GRID1: variants seen among roughly 807,000 people sequenced by gnomAD.
The protein encoded by GRID1 is glutamate receptor ionotropic, delta-1.
In GRID1, 28 loss-of-function variants were observed where a neutral mutation model predicts 98.0. The ratio of observed to expected loss-of-function variants is 0.29; its 90% CI spans 0.21 to 0.39. The LOEUF is 0.39. Ranked by LOEUF, GRID1 falls within the 10% of genes least tolerant of loss-of-function variation. The probability of loss-of-function intolerance (pLI) is 1.00; values close to 1 mark genes in which losing one functional copy is unlikely to be tolerated. For synonymous variants in GRID1, 553 were observed against 538.5 expected (o/e 1.03, Z -0.37); for missense variants, 1,111 against 1,340.5 (o/e 0.83, Z 2.67).
At chr10:86,004,141 G>A (rs1179869200) in intron 4 of GRID1, among the ~76,000 whole-genome samples, 1 of 152,228 alleles carries the variant, frequency 6.6e-6, no homozygotes, top group African/African-American at 2.4e-5. Flanking sequence ...ACTTGCCTAA[G>A]TTCCGTACTA....
chr10:85,953,462 T>C (rs746960796), intron 4 of GRID1, among the ~76,000 whole-genome samples: 3 of 152,184 alleles, frequency 2.0e-5, no homozygotes, highest in Non-Finnish European at 2.9e-5. Context: ...ACAAAAGTTA[T>C]ATGTAAATTT....
intron 9 of GRID1, among the ~76,000 whole-genome samples, chr10:85,729,240 C>A (rs1424269724): frequency 6.6e-6 from 1 of 152,142 alleles, no homozygotes; most frequent in Non-Finnish European, 1.5e-5. Context: ...CAGCTTGGCC[C>A]CCTCTGGTCC....
chr10:85,788,624 G>A (rs569346510), intron 8 of GRID1, among the ~76,000 whole-genome samples: 1 of 152,162 alleles, frequency 6.6e-6, no homozygotes, highest in African/African-American at 2.4e-5. Flanking sequence ...GTAGAGGTCT[G>A]GGAAGTCTCG....
chr10:85,667,194 G>A (rs1297337505), intron 12 of GRID1, among the ~76,000 whole-genome samples: 3 of 152,052 alleles, frequency 2.0e-5, no homozygotes, highest in Non-Finnish European at 4.4e-5. Context: ...TAGCACATGG[G>A]AAGCCCGTCT....
chr10:86,136,601 C>G (rs1844928114), intron 4 of GRID1, among the ~76,000 whole-genome samples: 1 of 152,212 alleles, frequency 6.6e-6, no homozygotes, highest in South Asian at 2.1e-4. Context: ...CACAAAGGGC[C>G]AGAGCCATCG....
chr10:86,246,346 C>T (rs2446017), intron 2 of GRID1, among the ~76,000 whole-genome samples: 117,645 of 152,236 alleles, frequency 0.77, 46,005 homozygotes, highest in Non-Finnish European at 0.82. Context: ...GGACACTTCT[C>T]GCTCTCCCGT....
At chr10:85,821,786 T>G (rs954711363) in intron 8 of GRID1, among the ~76,000 whole-genome samples, 1 of 151,936 alleles carries the variant, frequency 6.6e-6, no homozygotes, top group Non-Finnish European at 1.5e-5. Context: ...ACTTCAAACT[T>G]TACTACAAGG....
rs1279430506 is a variant in GRID1, at chr10:86,192,655, G to A, written c.520+13709C>T. 2.0e-5 allele frequency among the ~76,000 whole-genome samples: 3 copies of A among 151,990 alleles called. No homozygotes were observed. The highest frequency in any genetic ancestry group is 4.8e-5 in the African/African-American group (2 of 41,396). On this transcript the variant is annotated intron_variant, in intron 3 of 15. Coordinates refer to ENST00000327946, the MANE Select transcript of GRID1 (RefSeq NM_017551.3). The surrounding 1 kb of genome is among the most constrained non-coding windows in gnomAD (Gnocchi z 4.8). Reference sequence around the variant, plus strand: ...TGTACTTAACACCATTGAACTGTGCGTGAAAATGGTTAACATGGTAAATTT... The same window carrying A: ...TGTACTTAACACCATTGAACTGTGCATGAAAATGGTTAACATGGTAAATTT...
intron 3 of GRID1, among the ~76,000 whole-genome samples, chr10:86,145,898 A>G (rs1222241521): frequency 2.0e-5 from 3 of 152,136 alleles, no homozygotes; most frequent in Non-Finnish European, 2.9e-5. Flanking sequence ...CAGCCACACG[A>G]TGACCACGTA....
intron 2 of GRID1, among the ~76,000 whole-genome samples, chr10:86,363,725 G>C (rs573729397): frequency 1.3e-3 from 193 of 152,340 alleles, no homozygotes; most frequent in African/African-American, 4.5e-3. Context: ...AGCTCCCCGC[G>C]CTCGCAGGCT....
intron 4 of GRID1, among the ~76,000 whole-genome samples, chr10:85,922,824 C>A (rs1417731029): frequency 1.3e-5 from 2 of 152,082 alleles, no homozygotes; most frequent in Non-Finnish European, 2.9e-5. Context: ...GAAGTTATGC[C>A]GGGAAGCATG....
intron 5 of GRID1, among the ~76,000 whole-genome samples, chr10:85,888,925 A>G (rs924197842): frequency 2.0e-5 from 3 of 152,126 alleles, no homozygotes; most frequent in African/African-American, 7.2e-5. Flanking sequence ...TTTAATTCCA[A>G]TGGACTCAGA....
At chr10:85,830,063 A>T (rs1564603519) in intron 8 of GRID1, among the ~76,000 whole-genome samples, 1 of 152,222 alleles carries the variant, frequency 6.6e-6, no homozygotes, top group South Asian at 2.1e-4. Context: ...AAACTATACT[A>T]CAAGGCTACA....
intron 2 of GRID1, among the ~76,000 whole-genome samples, chr10:86,227,255 C>T (rs1391909263): frequency 6.6e-6 from 1 of 152,208 alleles, no homozygotes. Flanking sequence ...GGCCGCCCCT[C>T]CCCTCAAAGG....
chr10:86,174,690 C>G (rs1279253987), intron 3 of GRID1, among the ~76,000 whole-genome samples: 85 of 150,118 alleles, frequency 5.7e-4, no homozygotes, highest in South Asian at 2.1e-3. Flanking sequence ...AAACTACCAT[C>G]AGAGTGAACA....
At chr10:86,103,694 G>A (rs758602336) in intron 4 of GRID1, among the ~76,000 whole-genome samples, 6 of 152,140 alleles carry the variant, frequency 3.9e-5, no homozygotes, top group African/African-American at 1.2e-4. Context: ...GCTCTTAAAC[G>A]TTTGCCACAG....
intron 4 of GRID1, among the ~76,000 whole-genome samples, chr10:86,009,901 A>G (rs1189991479): frequency 1.3e-5 from 2 of 152,230 alleles, no homozygotes; most frequent in Non-Finnish European, 2.9e-5. Flanking sequence ...CCAGGCTGAA[A>G]ACCCATGTCT....
At chr10:85,631,985 G>GCGCA (rs1554860726) in intron 13 of GRID1, among the ~76,000 whole-genome samples, 51 of 147,842 alleles carry the variant, frequency 3.4e-4, no homozygotes, top group South Asian at 2.0e-3. Flanking sequence ...AAACACATAT[G>GCGCA]CACACACACA....
At chr10:85,679,730 C>G (rs1159823564) in intron 12 of GRID1, among the ~76,000 whole-genome samples, 2 of 152,148 alleles carry the variant, frequency 1.3e-5, no homozygotes, top group African/African-American at 4.8e-5. Flanking sequence ...ATCCTGCTAG[C>G]TGAGAAGAAG....
Sources: gnomAD v4.1 joint callset for allele counts (sites outside exome capture counted in the v4.1 genomes callset) on GRCh38, gnomAD v4.1.1 for gene constraint, Gnocchi (gnomAD v3.1) non-coding constraint, MANE v1.5 for transcripts, NCBI Gene and HGNC (gene_info 2026-07-23, HGNC 2026-07-21) for gene names.